LRP5: variants seen among roughly 807,000 people sequenced by gnomAD.
LRP5 encodes the protein low-density lipoprotein receptor-related protein 5.
A neutral mutation model predicts 154.1 loss-of-function variants in LRP5; 62 were observed. The ratio of observed to expected loss-of-function variants is 0.40; its 90% CI spans 0.33 to 0.50. The LOEUF (loss-of-function observed/expected upper bound fraction) is 0.50, where lower values mean the gene tolerates loss of function less well. LRP5 is among the 20% of genes least tolerant of loss of function. The pLI is 0.55. For missense variants in LRP5, 1,915 were observed against 2,336.7 expected (o/e 0.82, Z 3.72); for synonymous variants, 966 against 1,011.5 (o/e 0.96, Z 0.85).
chr11:68,412,516 A>G (rs2098660168), intron 11 of LRP5, among the ~76,000 whole-genome samples: 1 of 152,052 alleles, frequency 6.6e-6, no homozygotes, highest in South Asian at 2.1e-4. Context: ...ATGGTGGTTC[A>G]TGCCTGTAGT....
chr11:68,424,713 A>G (rs1408304119), intron 14 of LRP5, among the ~76,000 whole-genome samples: 1 of 151,682 alleles, frequency 6.6e-6, no homozygotes. Context: ...CTCTGAGGGA[A>G]CCTTTGGGCT....
Position 68,413,970 on chromosome 11 carries a change from G to T in LRP5, c.2785G>T (p.Ala929Ser), listed in dbSNP as rs372374697. 6.2e-7 allele frequency: 1 copy of T among 1,606,678 alleles called. No individual in the cohort carries two copies. ...AIPGGHRCGC[A>S]SHYTLDPSSR... ...CCCCGGCGGCCACCGCTGCGGCTGC[G>T]CCTCACACTACACCCTGGACCCCAG... Residue 929 changes from alanine (A) to serine (S), a missense_variant, in exon 12 of 23, where the codon GCC (alanine) becomes TCC (serine). Ala to Ser is a moderately conservative substitution (Grantham distance 99). This residue lies in a region of LRP5 where 1,094 missense variants were observed against 1,210.1 expected (regional missense o/e 0.90). Coordinates refer to ENST00000294304, the MANE Select transcript of LRP5 (RefSeq NM_002335.4). The surrounding 1 kb of genome is among the most constrained non-coding windows in gnomAD (Gnocchi z 5.1).
rs1366271522 is a variant in LRP5 at position 68,347,932 on chromosome 11, C to T, written c.177C>T (p.Val59=). Residue 59 remains valine (V), a synonymous_variant, in exon 2 of 23, where the codon GTC becomes GTT. Coordinates refer to ENST00000294304, the MANE Select transcript of LRP5 (RefSeq NM_002335.4). ...GGVKLESTIV[V]SGLEDAAAVD... ...TCAAGCTGGAGTCCACCATCGTGGT[C>T]AGCGGCCTGGAGGATGCGGCCGCAG... is the stretch of plus-strand genomic sequence containing the variant. 1 of 1,613,754 alleles carries T rather than the reference C, an allele frequency of 6.2e-7. No homozygotes were observed. The highest frequency in any genetic ancestry group is 8.5e-7 in the Non-Finnish European group (1 of 1,180,044).
intron 5 of LRP5, among the ~76,000 whole-genome samples, chr11:68,374,166 C>T (rs985230296): frequency 6.6e-5 from 10 of 152,172 alleles, no homozygotes; most frequent in African/African-American, 1.2e-4. Context: ...GGGCCACTGT[C>T]GAGTCTGACG....
intron 4 of LRP5, 47 bp downstream of exon 4, chr11:68,363,990 GA>G: frequency 1.2e-6 from 1 of 835,336 alleles, no homozygotes; most frequent in Non-Finnish European, 1.7e-6. Flanking sequence ...GGGCTGGGGG[GA>G]GCGGGGGCGC....
At chr11:68,370,693 G>C (rs58500312) in intron 5 of LRP5, among the ~76,000 whole-genome samples, 7,244 of 152,298 alleles carry the variant, frequency 0.048, 580 homozygotes, top group African/African-American at 0.16. Context: ...GCCCTCAGCC[G>C]TGAGAGGCAC....
At chr11:68,320,501 G>A (rs111556353) in intron 1 of LRP5, among the ~76,000 whole-genome samples, 4,242 of 149,644 alleles carry the variant, frequency 0.028, 90 homozygotes, top group Non-Finnish European at 0.043. Flanking sequence ...TGTCCTCCAG[G>A]CTGGAGTGCA....
At position 68,365,466 on chromosome 11, in the gene LRP5, A is replaced by T; in HGVS notation, c.884-105A>T. The T allele has an allele frequency of 3.2e-6, 5 of 1,544,348 alleles. 1 individual carries two copies. In the South Asian group the frequency reaches 5.6e-5, roughly 17 times the overall value. ...TTGAGGCCGATGTTTGGGCAGAGGG[A>T]CACACTGGAGGCTGTCACGGGGGAC... On this transcript the variant is annotated intron_variant, in intron 4 of 22. Coordinates refer to ENST00000294304, the MANE Select transcript of LRP5 (RefSeq NM_002335.4).
At position 68,413,880 on chromosome 11, in the gene LRP5, C is replaced by T. The variant is rs760734426; in HGVS notation, c.2695C>T (p.Arg899Cys). The change falls in exon 12 of 23, where the codon CGC (arginine) becomes TGC (cysteine). Residue 899 changes from arginine (R) to cysteine (C), a missense_variant. Physicochemically the swap from Arg to Cys is radical, Grantham distance 180. This residue lies in a region of LRP5 where 1,094 missense variants were observed against 1,210.1 expected (regional missense o/e 0.90). Coordinates refer to ENST00000294304, the MANE Select transcript of LRP5 (RefSeq NM_002335.4). The surrounding 1 kb of genome is among the most constrained non-coding windows in gnomAD (Gnocchi z 5.1). ...VMDILVFHSS[R>C]QDGLNDCMHN... ...GGACATCCTGGTGTTCCACTCCTCC[C>T]GCCAGGATGGCCTCAATGACTGTAT... 8 of 1,613,142 alleles carry T rather than the reference C, an allele frequency of 5.0e-6. No homozygotes were observed. The highest frequency in any genetic ancestry group is 1.6e-4 in the Middle Eastern group (1 of 6,084).
intron 1 of LRP5, among the ~76,000 whole-genome samples, chr11:68,346,524 A>G (rs2153128492): frequency 6.6e-6 from 1 of 152,350 alleles, no homozygotes; most frequent in East Asian, 1.9e-4. Flanking sequence ...CCCTGCTGAA[A>G]TGAAACCAAC....
intron 8 of LRP5, chr11:68,403,913 A>G: frequency 1.6e-6 from 1 of 612,942 alleles, no homozygotes; most frequent in South Asian, 2.0e-5. Flanking sequence ...GTCGGTAACA[A>G]TGGTTAGAAA....
intron 16 of LRP5, among the ~76,000 whole-genome samples, chr11:68,427,438 G>C (rs1382721257): frequency 6.6e-6 from 1 of 152,184 alleles, no homozygotes; most frequent in East Asian, 1.9e-4. Context: ...CCAGCACTTT[G>C]GGAGACCAAG....
chr11:68,394,878 G>A lies in LRP5; in HGVS notation c.1584+4826G>A, dbSNP rs186856813. On this transcript the variant is annotated intron_variant, in intron 7 of 22. Transcript: ENST00000294304. ...ATGGTGCTGGACACACAGAAGGGACGGAGGTCAGGAGGTAGAAGGGCGGAG... is the reference window on the plus strand; with the variant it reads ...ATGGTGCTGGACACACAGAAGGGACAGAGGTCAGGAGGTAGAAGGGCGGAG... 3.4e-3 allele frequency among the ~76,000 whole-genome samples: 518 copies of A among 152,342 alleles called. 3 individuals carry two copies. The highest frequency in any genetic ancestry group is 0.012 in the African/African-American group (495 of 41,580).
At chr11:68,369,942 A>G (rs1416777598) in intron 5 of LRP5, among the ~76,000 whole-genome samples, 1 of 152,184 alleles carries the variant, frequency 6.6e-6, no homozygotes, top group Admixed American at 6.5e-5. Flanking sequence ...TGCCATGTCC[A>G]CTGTCCATGC....
At chr11:68,432,967 G>A (rs891415077) in intron 17 of LRP5, among the ~76,000 whole-genome samples, 5 of 152,176 alleles carry the variant, frequency 3.3e-5, no homozygotes, top group African/African-American at 9.7e-5. Context: ...CCCTTTCAGC[G>A]CCCTCCCCGG....
intron 2 of LRP5, among the ~76,000 whole-genome samples, chr11:68,350,628 C>T (rs1471291574): frequency 1.3e-5 from 2 of 152,242 alleles, no homozygotes; most frequent in African/African-American, 4.8e-5. Context: ...GCAGATGCCC[C>T]TCCTCTGGGC....
intron 7 of LRP5, among the ~76,000 whole-genome samples, chr11:68,393,868 G>A (rs562553750): frequency 3.2e-4 from 48 of 152,262 alleles, no homozygotes; most frequent in Middle Eastern, 6.8e-3. Context: ...GCTTTGCCTC[G>A]CATTTCCCTG....
rs2098681979 is a variant in LRP5 at position 68,447,307 on chromosome 11, C to T, written c.4586+774C>T. On this transcript the variant is annotated intron_variant, in intron 22 of 22. Transcript: ENST00000294304. This position sits in a 1 kb window ranked among gnomAD's most constrained non-coding sequence, Gnocchi z 4.3. ...AGGTGAAGGGGTGGGATAGGCTGGG[C>T]CTGGGCCAGGACACCTCTGGACCAC... 6.5e-6 allele frequency: 1 copy of T among 153,678 alleles called. No homozygotes were observed. The highest frequency in any genetic ancestry group is 1.4e-5 in the Non-Finnish European group (1 of 69,068). 9.5% of individuals were successfully genotyped at this position (153,678 alleles called of 1,614,324 possible).
At chr11:68,398,836 G>A (rs2153160390) in intron 7 of LRP5, among the ~76,000 whole-genome samples, 1 of 152,194 alleles carries the variant, frequency 6.6e-6, no homozygotes, top group Admixed American at 6.5e-5. Flanking sequence ...CCAGGCTCAA[G>A]CGATCCTCCT....
Sources: gnomAD v4.1 joint callset for allele counts (sites outside exome capture counted in the v4.1 genomes callset) on GRCh38, gnomAD v4.1.1 for gene constraint, gnomAD v4.1.1 regional missense constraint, Gnocchi (gnomAD v3.1) non-coding constraint, MANE v1.5 for transcripts, NCBI Gene and HGNC (gene_info 2026-07-23, HGNC 2026-07-21) for gene names.